The following ROBO1 variants were observed in gnomAD, a reference collection of about 807,000 sequenced individuals.
ROBO1 encodes the protein roundabout homolog 1.
A neutral mutation model predicts 195.9 loss-of-function variants in ROBO1; 149 were observed. That is an observed-to-expected ratio of 0.76 (90% confidence interval 0.67 to 0.87). The LOEUF is 0.87. ROBO1 is among the 40% of genes least tolerant of loss of function. The probability of loss-of-function intolerance (pLI) is 0.00; values close to 1 mark genes in which losing one functional copy is unlikely to be tolerated. For synonymous variants in ROBO1, 816 were observed against 733.2 expected (o/e 1.11, Z -1.82); for missense variants, 1,933 against 2,068.3 (o/e 0.93, Z 1.27).
chr3:78,861,530 A>G (rs2034836628), intron 4 of ROBO1, among the ~76,000 whole-genome samples: 1 of 152,200 alleles, frequency 6.6e-6, no homozygotes, highest in Non-Finnish European at 1.5e-5. Flanking sequence ...ACAAGGTTAT[A>G]CAAATTCCCA....
chr3:78,824,221 A>G (rs1026575394), intron 4 of ROBO1, among the ~76,000 whole-genome samples: 3 of 152,190 alleles, frequency 2.0e-5, no homozygotes, highest in African/African-American at 7.2e-5. Flanking sequence ...GGAGAACCTT[A>G]GTCTGTGACA....
Position 78,768,300 on chromosome 3 carries a change from C to T in ROBO1, c.500-21400G>A, listed in dbSNP as rs537233093. Among the ~76,000 whole-genome samples the T allele has an allele frequency of 2.0e-5, 3 of 151,250 alleles. No individual in the cohort carries two copies. In the East Asian group the frequency reaches 5.8e-4, roughly 29 times the overall value. On this transcript the variant is annotated intron_variant, in intron 4 of 30. Transcript: ENST00000464233. ...TATTCCACTGTGGTCTGAGAGACTG[C>T]TTGATATAATTTCAATTTTCTTAAA...
chr3:79,334,300 TAA>T (rs59858022), intron 2 of ROBO1, among the ~76,000 whole-genome samples: 78 of 118,212 alleles, frequency 6.6e-4, no homozygotes, highest in African/African-American at 2.3e-3. Flanking sequence ...AGACTCTGTC[TAA>T]AAAAAAAAAA....
chr3:79,334,519 A>G (rs1276085895), intron 2 of ROBO1, among the ~76,000 whole-genome samples: 1 of 151,680 alleles, frequency 6.6e-6, no homozygotes, highest in African/African-American at 2.4e-5. Flanking sequence ...ACCTGGTTAT[A>G]GTAGATGTTC....
chr3:78,634,003 T>C lies in ROBO1; in HGVS notation c.3413A>G (p.Tyr1138Cys). ...TGTGTTCTGGTCGTATGATTGGTTG[T>C]ATGGGATAGTTGGAGGAACTGTGTC... ...ANDTVPPTIP[Y>C]NQSYDQNTGG... The change falls in exon 24 of 31, where the codon TAC (tyrosine) becomes TGC (cysteine). Residue 1138 changes from tyrosine to cysteine, a missense_variant. Around this residue, in one of 3 missense-constraint regions of ROBO1, gnomAD observed 1,737 missense variants for 1,882.5 expected, o/e 0.92. Coordinates refer to ENST00000464233, the MANE Select transcript of ROBO1 (RefSeq NM_002941.4). 6.2e-7 allele frequency: 1 copy of C among 1,612,306 alleles called. No individual in the cohort carries two copies. Among genetic ancestry groups the C allele is most frequent in the Non-Finnish European group, 8.5e-7 (1 of 1,178,946 alleles).
At chr3:79,252,442 C>G (rs1421206112) in intron 2 of ROBO1, among the ~76,000 whole-genome samples, 1 of 152,092 alleles carries the variant, frequency 6.6e-6, no homozygotes, top group Non-Finnish European at 1.5e-5. Flanking sequence ...CCAAGGATTG[C>G]CAGCATCCCT....
intron 10 of ROBO1, among the ~76,000 whole-genome samples, chr3:78,679,987 T>C (rs1301342678): frequency 1.3e-5 from 2 of 152,044 alleles, no homozygotes; most frequent in Admixed American, 6.6e-5. Context: ...AACAGAGATA[T>C]AGATCAATGG....
intron 3 of ROBO1, among the ~76,000 whole-genome samples, chr3:79,047,084 A>G (rs946738474): frequency 6.6e-6 from 1 of 152,104 alleles, no homozygotes; most frequent in African/African-American, 2.4e-5. Context: ...AGACACATAA[A>G]TTGCCTTGAA....
At chr3:78,779,368 G>A (rs1356839256) in intron 4 of ROBO1, among the ~76,000 whole-genome samples, 1 of 151,998 alleles carries the variant, frequency 6.6e-6, no homozygotes, top group African/African-American at 2.4e-5. Context: ...CTGACAAAGG[G>A]CTAATATCCA....
chr3:79,186,821 C>A (rs1161823033), intron 2 of ROBO1, among the ~76,000 whole-genome samples: 1 of 152,028 alleles, frequency 6.6e-6, no homozygotes, highest in Non-Finnish European at 1.5e-5. Flanking sequence ...AATAAACTAC[C>A]CTAGGTAGCC....
chr3:78,673,795 A>G (rs183534044), intron 10 of ROBO1, among the ~76,000 whole-genome samples: 67 of 151,470 alleles, frequency 4.4e-4, no homozygotes, highest in Non-Finnish European at 6.8e-4. Flanking sequence ...TAAGAGAAAA[A>G]GAACAGAATA....
chr3:78,825,949 G>T (rs1204826228), intron 4 of ROBO1, among the ~76,000 whole-genome samples: 1 of 152,078 alleles, frequency 6.6e-6, no homozygotes, highest in African/African-American at 2.4e-5. Context: ...GGTTACTACT[G>T]GAAGAAAACA....
intron 2 of ROBO1, among the ~76,000 whole-genome samples, chr3:79,501,736 C>T (rs1246587289): frequency 6.6e-6 from 1 of 152,156 alleles, no homozygotes; most frequent in Non-Finnish European, 1.5e-5. Flanking sequence ...ATGATTACAT[C>T]CACAAAAGGC....
At chr3:79,362,974 C>A (rs907143959) in intron 2 of ROBO1, among the ~76,000 whole-genome samples, 1 of 152,086 alleles carries the variant, frequency 6.6e-6, no homozygotes, top group African/African-American at 2.4e-5. Context: ...CTAAAAATGC[C>A]ACACTTTCTC....
intron 2 of ROBO1, among the ~76,000 whole-genome samples, chr3:79,415,912 A>G (rs1362777607): frequency 6.6e-6 from 1 of 152,164 alleles, no homozygotes; most frequent in Non-Finnish European, 1.5e-5. Flanking sequence ...TTTCTGGGAT[A>G]AACATTTATC....
chr3:79,658,771 A>AT (rs377111978), intron 1 of ROBO1, among the ~76,000 whole-genome samples: 1,678 of 141,814 alleles, frequency 0.012, 12 homozygotes, highest in East Asian at 0.054. Context: ...TTCAAAATCT[A>AT]TTTTTTTTTT....
At chr3:79,587,195 A>G (rs1943856932) in intron 2 of ROBO1, among the ~76,000 whole-genome samples, 1 of 151,822 alleles carries the variant, frequency 6.6e-6, no homozygotes, top group Non-Finnish European at 1.5e-5. Context: ...GCAGTTTTAA[A>G]AATGTATTAT....
Position 78,853,128 on chromosome 3 carries a change from T to A in ROBO1, c.499+85473A>T, listed in dbSNP as rs1268543219. ...AGTAAACATTTGGCACTTATCAGTC[T>A]GTAGCTTAGAAGACAGTTCTGGGAG... is the stretch of plus-strand genomic sequence containing the variant. On this transcript the variant is annotated intron_variant, in intron 4 of 30. Coordinates refer to ENST00000464233, the MANE Select transcript of ROBO1 (RefSeq NM_002941.4). Among the ~76,000 whole-genome samples, 4 of 152,076 alleles carry A rather than the reference T, an allele frequency of 2.6e-5. No individual in the cohort carries two copies. The South Asian group carries it at 6.2e-4, about 24-fold the overall frequency.
chr3:79,721,898 T>A (rs2107299198), intron 1 of ROBO1, among the ~76,000 whole-genome samples: 1 of 152,290 alleles, frequency 6.6e-6, no homozygotes, highest in Admixed American at 6.5e-5. Context: ...TCCAAAAAAG[T>A]TTATCAAGGT....
Sources: gnomAD v4.1 joint callset for allele counts (sites outside exome capture counted in the v4.1 genomes callset) on GRCh38, gnomAD v4.1.1 for gene constraint, gnomAD v4.1.1 regional missense constraint, MANE v1.5 for transcripts, NCBI Gene and HGNC (gene_info 2026-07-23, HGNC 2026-07-21) for gene names.